The following RASGEF1C variants were observed in gnomAD, a reference collection of about 807,000 sequenced individuals.
RASGEF1C encodes ras-GEF domain-containing family member 1C.
RASGEF1C carries 27 observed loss-of-function variants against 58.1 expected under a neutral mutation model. The observed-to-expected ratio is 0.46, with a 90% CI of 0.34 to 0.64. The LOEUF (loss-of-function observed/expected upper bound fraction) is 0.64, where lower values mean the gene tolerates loss of function less well. Ranked by LOEUF, RASGEF1C falls within the 30% of genes least tolerant of loss-of-function variation. The pLI is 0.01. For synonymous variants in RASGEF1C, 243 were observed against 246.3 expected, an observed-to-expected ratio of 0.99 and a Z score of 0.13; for missense variants, 502 against 605.1, an observed-to-expected ratio of 0.83 and a Z score of 1.79.
At chr5:180,119,083 C>T (rs1437850882) in intron 8 of RASGEF1C, among the ~76,000 whole-genome samples, 2 of 152,188 alleles carry the variant, frequency 1.3e-5, no homozygotes, top group Non-Finnish European at 2.9e-5. Flanking sequence ...TGCACTGGGC[C>T]CTCGTTCTCT....
At chr5:180,132,969 G>GGA (rs751531595) in intron 4 of RASGEF1C, among the ~76,000 whole-genome samples, 4 of 99,212 alleles carry the variant, frequency 4.0e-5, no homozygotes, top group Non-Finnish European at 6.0e-5. Flanking sequence ...CTCCGTCTCA[G>GGA]AAAAAAAAAA....
At chr5:180,117,822 C>T (rs190710028) in intron 10 of RASGEF1C, among the ~76,000 whole-genome samples, 32 of 152,104 alleles carry the variant, frequency 2.1e-4, no homozygotes, top group African/African-American at 6.8e-4. Context: ...GGTGAAACTC[C>T]GCCTCTACTA....
intron 1 of RASGEF1C, among the ~76,000 whole-genome samples, chr5:180,174,535 T>G (rs1281752172): frequency 1.6e-5 from 2 of 125,584 alleles, no homozygotes; most frequent in Non-Finnish European, 3.4e-5. Flanking sequence ...TGTGTCTCTG[T>G]GTGTGCGTGT....
At chr5:180,206,713 C>G (rs1304233218) in intron 1 of RASGEF1C, among the ~76,000 whole-genome samples, 8 of 152,056 alleles carry the variant, frequency 5.3e-5, no homozygotes, top group Non-Finnish European at 8.8e-5. Flanking sequence ...TTTGAATAAA[C>G]AATAATAGTA....
Position 180,136,496 on chromosome 5 carries a change from C to G in RASGEF1C, c.320G>C (p.Gly107Ala). Residue 107 changes from glycine (G) to alanine (A), a missense_variant, in exon 4 of 14, where the codon GGC becomes GCC. Physicochemically the swap from Gly to Ala is moderately conservative, Grantham distance 60 (BLOSUM62 0). Transcript: ENST00000361132. Reference sequence around the variant, plus strand: ...GGCCAACAGCTGCAGCAGTTTGGGGCCGAACTTCCGGACCCGGGCCTACGG... The same window carrying G: ...GGCCAACAGCTGCAGCAGTTTGGGGGCGAACTTCCGGACCCGGGCCTACGG... ...VLDKARVRKFGPKLLQLLAEW... is the reference protein window; with the variant it reads ...VLDKARVRKFAPKLLQLLAEW... 1 of 1,570,444 alleles carries G rather than the reference C, an allele frequency of 6.4e-7. No individual in the cohort carries two copies. The highest frequency in any genetic ancestry group is 8.6e-7 in the Non-Finnish European group (1 of 1,157,208).
At chr5:180,114,602 G>A (rs903422397) in intron 10 of RASGEF1C, 61 bp from the exon 11 acceptor site, 40 of 1,508,008 alleles carry the variant, frequency 2.7e-5, no homozygotes, top group Non-Finnish European at 3.2e-5. Context: ...GCTCCAGGAC[G>A]GGGGGCAGCC....
chr5:180,199,459 C>T (rs1259280123), intron 1 of RASGEF1C, among the ~76,000 whole-genome samples: 1 of 152,160 alleles, frequency 6.6e-6, no homozygotes, highest in South Asian at 2.1e-4. Context: ...GACCAAATGA[C>T]CCGGGGAGAT....
rs1198634421 is a variant in RASGEF1C, at chr5:180,155,796, G to A, written c.-6-17738C>T. Among the ~76,000 whole-genome samples, 1 of 152,114 alleles carries A rather than the reference G, an allele frequency of 6.6e-6. No individual in the cohort carries two copies. The highest frequency in any genetic ancestry group is 1.5e-5 in the Non-Finnish European group (1 of 68,018). On this transcript the variant is annotated intron_variant, in intron 1 of 13. Coordinates refer to ENST00000361132, the MANE Select transcript of RASGEF1C (RefSeq NM_175062.4). The surrounding 1 kb of genome is among the most constrained non-coding windows in gnomAD (Gnocchi z 5.2). ...GCCCAGTCACTCCCCAAGCCACAGT[G>A]AAGGGGTTTGTTTCACCTCCCAACC...
intron 1 of RASGEF1C, among the ~76,000 whole-genome samples, chr5:180,205,747 A>G (rs1756476074): frequency 6.7e-6 from 1 of 149,412 alleles, no homozygotes; most frequent in Non-Finnish European, 1.5e-5. Context: ...TATTATTTTG[A>G]GACAGAGTCT....
chr5:180,117,268 C>T (rs1034151334), intron 10 of RASGEF1C, among the ~76,000 whole-genome samples: 8 of 152,228 alleles, frequency 5.3e-5, no homozygotes, highest in Non-Finnish European at 1.0e-4. Context: ...TCCGTGTGGC[C>T]GGTGTCTGCC....
At chr5:180,176,596 G>T (rs1159149804) in intron 1 of RASGEF1C, among the ~76,000 whole-genome samples, 4 of 146,544 alleles carry the variant, frequency 2.7e-5, no homozygotes, top group African/African-American at 7.6e-5. Context: ...TTGCTCTGTC[G>T]CCCAGGCTGG....
intron 1 of RASGEF1C, chr5:180,138,351 G>C (rs1582276545): frequency 3.2e-6 from 1 of 310,012 alleles, no homozygotes; most frequent in East Asian, 5.1e-5. Context: ...CTTCCCCCCG[G>C]CACCCCTCCA....
At chr5:180,185,263 C>G (rs1014783695) in intron 1 of RASGEF1C, among the ~76,000 whole-genome samples, 10 of 145,626 alleles carry the variant, frequency 6.9e-5, no homozygotes, top group Non-Finnish European at 1.5e-4. Flanking sequence ...TGCACTCCAG[C>G]CTGAGTGACA....
chr5:180,103,360 A>G (rs1390233963), intron 12 of RASGEF1C, among the ~76,000 whole-genome samples: 3 of 152,116 alleles, frequency 2.0e-5, no homozygotes, highest in Non-Finnish European at 1.5e-5. Flanking sequence ...TACAGGCGTG[A>G]GCCACCGCAC....
chr5:180,182,988 A>C (rs979296564), intron 1 of RASGEF1C, among the ~76,000 whole-genome samples: 8 of 152,224 alleles, frequency 5.3e-5, no homozygotes, highest in African/African-American at 1.7e-4. Flanking sequence ...TGATTAGGTG[A>C]TGTTATCTGG....
chr5:180,113,532 C>T (rs368340673), intron 11 of RASGEF1C, among the ~76,000 whole-genome samples: 148 of 37,556 alleles, frequency 3.9e-3, no homozygotes, highest in Admixed American at 4.8e-3. Context: ...GACGGAGGGA[C>T]CGGGGATGGA....
chr5:180,145,239 G>A (rs11746507), intron 1 of RASGEF1C, among the ~76,000 whole-genome samples: 50,886 of 152,036 alleles, frequency 0.33, 10,320 homozygotes, highest in East Asian at 0.47. Flanking sequence ...TCCTGCCTCA[G>A]CCTCTCAAGA....
chr5:180,140,208 G>A (rs1169533342), intron 1 of RASGEF1C, among the ~76,000 whole-genome samples: 2 of 152,200 alleles, frequency 1.3e-5, no homozygotes, highest in Non-Finnish European at 2.9e-5. Flanking sequence ...GAACTATTGT[G>A]ACCCACAGGG....
chr5:180,128,063 G>A (rs1411094273), intron 5 of RASGEF1C, among the ~76,000 whole-genome samples: 1 of 152,222 alleles, frequency 6.6e-6, no homozygotes, highest in Non-Finnish European at 1.5e-5. Context: ...TGTGACTTTG[G>A]CAAGTCGCTT....
Sources: allele counts gnomAD v4.1 joint callset (sites outside exome capture counted in the v4.1 genomes callset), GRCh38; gene constraint gnomAD v4.1.1; non-coding constraint Gnocchi (gnomAD v3.1); transcripts MANE v1.5; gene names NCBI Gene and HGNC (gene_info 2026-07-23, HGNC 2026-07-21).